RMDN2: variants seen among roughly 807,000 people sequenced by gnomAD.
RMDN2 encodes the protein regulator of microtubule dynamics 2, also known as regulator of microtubule dynamics protein 2.
RMDN2 carries 61 observed loss-of-function variants against 52.8 expected under a neutral mutation model. The ratio of observed to expected loss-of-function variants is 1.16; its 90% CI spans 0.94 to 1.43. The LOEUF (loss-of-function observed/expected upper bound fraction) is 1.43. Among genes scored for constraint, RMDN2 ranks in the 40% most tolerant of loss-of-function variants. The pLI is 0.00. For synonymous variants in RMDN2, 180 were observed against 153.1 expected (o/e 1.18, Z -1.30); for missense variants, 592 against 475.3 (o/e 1.25, Z -2.28).
At position 38,051,414 on chromosome 2, in the gene RMDN2, G is replaced by T. The variant is rs184508967; in HGVS notation, c.1714-15568G>T. On this transcript the variant is annotated intron_variant, in intron 10 of 10. Transcript: ENST00000234195. ...TCTTTTTTTAGTTTTTTATCTATTC[G>T]TAGTATTTGTACATATTTATGGGGT... Among the ~76,000 whole-genome samples the T allele has an allele frequency of 8.2e-4, 125 of 151,990 alleles. 4 individuals carry two copies. Among genetic ancestry groups the T allele is most frequent in the Admixed American group, 3.9e-4 (6 of 15,260 alleles).
intron 10 of RMDN2, among the ~76,000 whole-genome samples, chr2:38,063,498 A>G (rs1290857386): frequency 4.6e-5 from 7 of 152,320 alleles, no homozygotes; most frequent in African/African-American, 1.7e-4. Context: ...ATGGGCAAGG[A>G]CTTCATGTCT....
intron 2 of RMDN2, among the ~76,000 whole-genome samples, chr2:37,963,471 G>A (rs1452805537): frequency 9.2e-5 from 14 of 152,044 alleles, no homozygotes; most frequent in Non-Finnish European, 1.3e-4. Flanking sequence ...GCAGCCTTCC[G>A]CAGTGTTTGT....
intron 2 of RMDN2, among the ~76,000 whole-genome samples, chr2:37,938,172 G>C (rs774436991): frequency 1.3e-4 from 20 of 152,078 alleles, no homozygotes; most frequent in Admixed American, 2.0e-4. Flanking sequence ...TTTGTTGTTG[G>C]TTCTGTTTAT....
chr2:37,947,077 T>G (rs1668281353), intron 2 of RMDN2, among the ~76,000 whole-genome samples: 1 of 152,102 alleles, frequency 6.6e-6, no homozygotes, highest in African/African-American at 2.4e-5. Flanking sequence ...TTTTGTAGAT[T>G]TAGAGGGTAA....
At chr2:38,050,789 C>T (rs187531341) in intron 10 of RMDN2, among the ~76,000 whole-genome samples, 4 of 152,272 alleles carry the variant, frequency 2.6e-5, no homozygotes, top group Admixed American at 2.0e-4. Context: ...GACAGAGGCT[C>T]GCTCTGTCGC....
Position 37,929,408 on chromosome 2 carries a change from C to T in RMDN2, c.131C>T (p.Ser44Phe). ...GIAMKLPEFL[S>F]LGNTFNSITL... ...GCAATGAAGTTACCTGAATTTCTTT[C>T]TCTGGGTAATACATTTAATTCAATA... The change falls in exon 2 of 11, where the codon TCT (serine) becomes TTT (phenylalanine). Residue 44 changes from serine (S) to phenylalanine (F), a missense_variant. By Grantham distance (155) the Ser-to-Phe change is radical (BLOSUM62 -2). Coordinates refer to ENST00000354545, the MANE Select transcript of RMDN2 (RefSeq NM_001170791.3). 1 of 1,551,474 alleles carries T rather than the reference C, an allele frequency of 6.4e-7. No homozygotes were observed. The highest frequency in any genetic ancestry group is 1.2e-5 in the South Asian group (1 of 84,054).
In RMDN2 at chr2:37,936,703, G is replaced by C. The variant is rs146606723; in HGVS notation, c.452+6974G>C. 1.4e-3 allele frequency among the ~76,000 whole-genome samples: 218 copies of C among 152,312 alleles called. 5 individuals carry two copies. The East Asian group carries it at 0.037, about 26-fold the overall frequency. On this transcript the variant is annotated intron_variant, in intron 2 of 10. Coordinates refer to ENST00000354545, the MANE Select transcript of RMDN2 (RefSeq NM_001170791.3). ...ACATAAATGTCTTCTTTTGAAAAGT[G>C]TCTGTTTATATCCTTTGCCCACTTT...
downstream of RMDN2, among the ~76,000 whole-genome samples, chr2:38,020,795 G>A (rs1485618923): frequency 3.4e-5 from 5 of 148,166 alleles, no homozygotes; most frequent in South Asian, 4.3e-4. Context: ...AACCTCCCCC[G>A]CCTCCTTGGG....
At chr2:38,005,136 G>A (rs1412227295) in intron 10 of RMDN2, among the ~76,000 whole-genome samples, 2 of 152,146 alleles carry the variant, frequency 1.3e-5, no homozygotes, top group African/African-American at 4.8e-5. Flanking sequence ...CTTTGCTATT[G>A]TGAATAGTGC....
At chr2:37,951,659 A>C in intron 2 of RMDN2, 2 of 1,613,422 alleles carry the variant, frequency 1.2e-6, no homozygotes, top group Non-Finnish European at 1.7e-6. Context: ...ATCCTCAAGC[A>C]AGTGGCCAGA....
At chr2:37,951,255 T>G in intron 2 of RMDN2, 3 of 1,597,806 alleles carry the variant, frequency 1.9e-6, no homozygotes, top group Non-Finnish European at 2.6e-6. Flanking sequence ...GGACCAGAGC[T>G]TCCAACGATG....
chr2:37,949,022 C>T lies in RMDN2; in HGVS notation c.452+19293C>T, dbSNP rs553436056. On this transcript the variant is annotated intron_variant, in intron 2 of 10. Transcript: ENST00000354545. ...AAATTTTTTATAGAAACTTTATAAG[C>T]ATTACGTATTATGTTCTTGCAATGT... is the stretch of plus-strand genomic sequence containing the variant. Among the ~76,000 whole-genome samples, 3 of 152,268 alleles carry T rather than the reference C, an allele frequency of 2.0e-5. No individual in the cohort carries two copies. In the South Asian group the frequency reaches 6.2e-4, roughly 32 times the overall value.
intron 2 of RMDN2, among the ~76,000 whole-genome samples, chr2:37,945,577 C>T (rs963808611): frequency 6.6e-6 from 1 of 152,150 alleles, no homozygotes; most frequent in Admixed American, 6.5e-5. Flanking sequence ...CAAATAGATA[C>T]AATATATACA....
At chr2:38,043,987 C>T (rs1041327383) in intron 10 of RMDN2, among the ~76,000 whole-genome samples, 1 of 151,978 alleles carries the variant, frequency 6.6e-6, no homozygotes, top group Admixed American at 6.6e-5. Context: ...TGATCTATAT[C>T]ATTTTCCTTC....
chr2:38,021,409 T>G (rs557916860), downstream of RMDN2, among the ~76,000 whole-genome samples: 1 of 152,200 alleles, frequency 6.6e-6, no homozygotes, highest in Non-Finnish European at 1.5e-5. Flanking sequence ...GGAAGCTTTG[T>G]TTTTTTGCTC....
At chr2:37,990,258 C>T (rs1038675582) in intron 6 of RMDN2, among the ~76,000 whole-genome samples, 6 of 151,664 alleles carry the variant, frequency 4.0e-5, no homozygotes, top group African/African-American at 1.5e-4. Flanking sequence ...GTGGCTCACA[C>T]CTGTAATCAC....
At chr2:37,933,629 A>C (rs1161564147) in intron 2 of RMDN2, among the ~76,000 whole-genome samples, 2 of 152,256 alleles carry the variant, frequency 1.3e-5, no homozygotes. Flanking sequence ...AAAACCAGTC[A>C]GGCGTGGCGG....
chr2:38,012,060 C>A (rs1219949144), intron 10 of RMDN2, among the ~76,000 whole-genome samples: 2 of 152,172 alleles, frequency 1.3e-5, no homozygotes, highest in Non-Finnish European at 2.9e-5. Context: ...AAGGCTCTGA[C>A]CCAGCTCCTA....
In RMDN2 at chr2:37,954,730, T is replaced by A. The variant is rs571805176; in HGVS notation, c.453-19310T>A. Among the ~76,000 whole-genome samples the A allele has an allele frequency of 5.3e-5, 8 of 152,280 alleles. No individual in the cohort carries two copies. In the East Asian group the frequency reaches 1.5e-3, roughly 29 times the overall value. On this transcript the variant is annotated intron_variant, in intron 2 of 10. Coordinates refer to ENST00000354545, the MANE Select transcript of RMDN2 (RefSeq NM_001170791.3). ...GAATTTCAGGATAGATTTTTCTATT[T>A]GTACAAAAAATATCATTGGGATTTT...
Sources: allele counts gnomAD v4.1 joint callset (sites outside exome capture counted in the v4.1 genomes callset), GRCh38; gene constraint gnomAD v4.1.1; transcripts MANE v1.5; gene names NCBI Gene and HGNC (gene_info 2026-07-23, HGNC 2026-07-21).